RIN2: variants seen among roughly 807,000 people sequenced by gnomAD.
The protein encoded by RIN2 is Ras and Rab interactor 2.
A neutral mutation model predicts 78.0 loss-of-function variants in RIN2; 36 were observed. That is an observed-to-expected ratio of 0.46 (90% confidence interval 0.35 to 0.61). The LOEUF is 0.61. Among genes scored for constraint, RIN2 ranks in the 20% least tolerant of loss-of-function variants. RIN2 has a pLI of 0.00. For synonymous variants in RIN2, 466 were observed against 466.8 expected (o/e 1.00, Z 0.02); for missense variants, 1,087 against 1,159.7 (o/e 0.94, Z 0.91).
At chr20:19,889,431 C>A in intron 2 of RIN2, 135 bp from the exon 3 acceptor site, 1 of 1,130,090 alleles carries the variant, frequency 8.8e-7, no homozygotes. Context: ...AGATGTAAGG[C>A]CTTGGTGGGA....
intron 10 of RIN2, among the ~76,000 whole-genome samples, chr20:19,990,865 A>G (rs558611959): frequency 6.6e-6 from 1 of 152,354 alleles, no homozygotes; most frequent in Admixed American, 6.5e-5. Flanking sequence ...AGGCCTCATT[A>G]GAGCCGCTTC....
intron 6 of RIN2, 43 bp from the exon 7 acceptor site, chr20:19,964,909 G>A (rs767323971): frequency 3.3e-5 from 50 of 1,531,728 alleles, no homozygotes; most frequent in Non-Finnish European, 3.6e-5. Context: ...GTCCCAGAAC[G>A]TGCTCAGGGA....
intron 2 of RIN2, among the ~76,000 whole-genome samples, chr20:19,825,426 T>C (rs1156251496): frequency 6.6e-6 from 1 of 152,200 alleles, no homozygotes; most frequent in African/African-American, 2.4e-5. Flanking sequence ...GGAGCCTCGC[T>C]TTCAGAAGAC....
chr20:19,961,923 A>C (rs758297962), intron 6 of RIN2, among the ~76,000 whole-genome samples: 1 of 152,194 alleles, frequency 6.6e-6, no homozygotes, highest in Non-Finnish European at 1.5e-5. Flanking sequence ...TAATAAATTC[A>C]TATTGAGCTA....
At chr20:19,939,386 C>T (rs560506460) in intron 4 of RIN2, among the ~76,000 whole-genome samples, 2 of 152,314 alleles carry the variant, frequency 1.3e-5, no homozygotes, top group African/African-American at 4.8e-5. Context: ...CCACTTCTCA[C>T]CAGCACCACT....
At position 20,002,421 on chromosome 20, in the gene RIN2, A is replaced by G. The variant is rs1004949793; in HGVS notation, c.*1485A>G. The G allele has an allele frequency of 2.0e-5, 3 of 152,378 alleles. No individual in the cohort carries two copies. Among genetic ancestry groups the G allele is most frequent in the Admixed American group, 6.5e-5 (1 of 15,278 alleles). 9.4% of individuals were successfully genotyped at this position (152,378 alleles called of 1,614,324 possible). A position where few individuals can be genotyped will look rare whatever the true frequency, so the allele number is the denominator to read the frequency against. On this transcript the variant is annotated 3_prime_UTR_variant, in exon 13 of 13. Transcript: ENST00000255006. ...TGCACATAATACATTGTAATACTGT[A>G]TGATAATCATGTGTGAAAATAATTT...
At chr20:19,992,449 A>C (rs1048220381) in intron 11 of RIN2, 150 bp downstream of exon 11, 1 of 773,166 alleles carries the variant, frequency 1.3e-6, no homozygotes, top group African/African-American at 1.8e-5. Context: ...TGCATTCTCC[A>C]CCTTTATTTA....
rs1463100292 is a variant in RIN2 at position 19,846,118 on chromosome 20, T to C, written c.-36-43448T>C. Among the ~76,000 whole-genome samples, 3 of 152,344 alleles carry C rather than the reference T, an allele frequency of 2.0e-5. No homozygotes were observed. The East Asian group carries it at 5.8e-4, about 29-fold the overall frequency. ...GTTTTGGTACCATTACTGTGCTGTTTTGGTTACTGTAGCCTTGTAGTATAG... is the reference window on the plus strand; with the variant it reads ...GTTTTGGTACCATTACTGTGCTGTTCTGGTTACTGTAGCCTTGTAGTATAG... On this transcript the variant is annotated intron_variant, in intron 2 of 12. Coordinates refer to ENST00000255006, the MANE Select transcript of RIN2 (RefSeq NM_018993.4).
intron 1 of RIN2, among the ~76,000 whole-genome samples, chr20:19,769,280 AG>A (rs2034022403): frequency 6.6e-6 from 1 of 152,182 alleles, no homozygotes; most frequent in Non-Finnish European, 1.5e-5. Context: ...AGTTCCTTGA[AG>A]GGTAAGTAAT....
chr20:19,801,691 C>G (rs533919240), intron 2 of RIN2, among the ~76,000 whole-genome samples: 2 of 152,330 alleles, frequency 1.3e-5, no homozygotes, highest in African/African-American at 4.8e-5. Context: ...ATTGGTCTGT[C>G]TTTCCTATTC....
intron 11 of RIN2, among the ~76,000 whole-genome samples, chr20:19,993,925 C>T (rs926553654): frequency 1.2e-4 from 18 of 152,138 alleles, no homozygotes; most frequent in African/African-American, 4.3e-4. Context: ...AAAGACACGC[C>T]GGTTTCACTT....
intron 4 of RIN2, among the ~76,000 whole-genome samples, chr20:19,952,832 A>G (rs2041373959): frequency 6.6e-6 from 1 of 152,190 alleles, no homozygotes; most frequent in East Asian, 1.9e-4. Flanking sequence ...CATGGTACCC[A>G]TCCCGCGCCC....
rs767980692 is a variant in RIN2 at position 19,886,593 on chromosome 20, C to CCTT, written c.-36-2954_-36-2952dup. 3.9e-3 allele frequency: 3,060 copies of CCTT among 786,122 alleles called. 21 individuals carry two copies. Among genetic ancestry groups the CCTT allele is most frequent in the South Asian group, 6.1e-3 (351 of 57,994 alleles). The allele number at this position is 786,122 out of a possible 1,614,324, so 48.7% of individuals were successfully genotyped here. On this transcript the variant is annotated intron_variant, in intron 2 of 12. Transcript: ENST00000255006. ...AGTGTCCTTAGTCCTATGAGGGCTG[C>CCTT]CTTCTTCTTCTTCTTCTTCTTTTTT...
At chr20:19,821,570 T>C (rs765547343) in intron 2 of RIN2, among the ~76,000 whole-genome samples, 7 of 152,108 alleles carry the variant, frequency 4.6e-5, no homozygotes, top group African/African-American at 7.2e-5. Context: ...ACAGGACACT[T>C]GAGCCTCCAG....
At chr20:19,993,403 G>T (rs2042857508) in intron 11 of RIN2, among the ~76,000 whole-genome samples, 1 of 151,502 alleles carries the variant, frequency 6.6e-6, no homozygotes, top group Non-Finnish European at 1.5e-5. Flanking sequence ...ACCACCCCCA[G>T]AATGTGCCCC....
intron 9 of RIN2, among the ~76,000 whole-genome samples, chr20:19,977,636 A>G (rs1041080865): frequency 6.6e-6 from 1 of 152,086 alleles, no homozygotes; most frequent in African/African-American, 2.4e-5. Context: ...GTAAACTAGC[A>G]GGTGCGGTAT....
intron 2 of RIN2, among the ~76,000 whole-genome samples, chr20:19,874,802 G>A (rs186204381): frequency 7.2e-4 from 109 of 151,966 alleles, no homozygotes; most frequent in African/African-American, 2.4e-3. Flanking sequence ...GAGCAGAAGG[G>A]GCCCTAAAGA....
intron 2 of RIN2, among the ~76,000 whole-genome samples, chr20:19,886,986 G>A (rs1012078910): frequency 6.6e-6 from 1 of 151,872 alleles, no homozygotes; most frequent in Admixed American, 6.6e-5. Context: ...AGCTACTACA[G>A]AAAGATCTTA....
At position 19,892,082 on chromosome 20, in the gene RIN2, G is replaced by A. The variant is rs76340094; in HGVS notation, c.57+2424G>A. Among the ~76,000 whole-genome samples, 9 of 152,126 alleles carry A rather than the reference G, an allele frequency of 5.9e-5. No homozygotes were observed. In the South Asian group the frequency reaches 6.2e-4, roughly 11 times the overall value. On this transcript the variant is annotated intron_variant, in intron 3 of 12. Coordinates refer to ENST00000255006, the MANE Select transcript of RIN2 (RefSeq NM_018993.4). ...AGAGGTGAGAGGTCTGCCTGACCCC[G>A]CCAAGGGTGAGATCTGCCATGTAAC... is the stretch of plus-strand genomic sequence containing the variant.
Sources: allele counts gnomAD v4.1 joint callset (sites outside exome capture counted in the v4.1 genomes callset), GRCh38; gene constraint gnomAD v4.1.1; transcripts MANE v1.5; gene names NCBI Gene and HGNC (gene_info 2026-07-23, HGNC 2026-07-21).